UQCR11: variants seen among roughly 807,000 people sequenced by gnomAD.
UQCR11 encodes the protein ubiquinol-cytochrome c reductase, complex III subunit XI, also known as cytochrome b-c1 complex subunit 10.
Under a neutral mutation model 7.6 loss-of-function variants are expected in UQCR11, and 10 were observed. That is an observed-to-expected ratio of 1.31 (90% confidence interval 0.81 to 2.22). The LOEUF is 2.22. UQCR11 is among the 30% of genes most tolerant of loss of function. The pLI, the probability that UQCR11 is intolerant of heterozygous loss-of-function variation, is 0.00. For synonymous variants in UQCR11, 34 were observed against 34.9 expected (o/e 0.97, Z 0.09); for missense variants, 86 against 75.1 (o/e 1.15, Z -0.54).
rs1169322007 is a variant in UQCR11, at chr19:1,605,379, G to A, written c.31C>T (p.Arg11Trp). Reference protein sequence around the residue: MVTRFLGPRYRELVKNWVPTA... With the variant: MVTRFLGPRYWELVKNWVPTA... ...CCTCACCAGTTCTTGACCAGCTCCC[G>A]GTAGCGTGGGCCCAGGAACCGGGTC... Residue 11 changes from arginine (R) to tryptophan (W), a missense_variant, in exon 1 of 3, where the codon CGG (arginine) becomes TGG (tryptophan). Physicochemically the swap from Arg to Trp is moderately radical, Grantham distance 101. Coordinates refer to ENST00000591899, the MANE Select transcript of UQCR11 (RefSeq NM_006830.4). 4 of 1,579,092 alleles carry A rather than the reference G, an allele frequency of 2.5e-6. No homozygotes were observed. The highest frequency in any genetic ancestry group is 1.1e-5 in the South Asian group (1 of 87,198).
intron 2 of UQCR11, chr19:1,598,965 C>G (rs1033791509): frequency 5.8e-6 from 1 of 173,072 alleles, no homozygotes; most frequent in Non-Finnish European, 1.2e-5. Flanking sequence ...GCCACAGGCA[C>G]TGTGGTTAAG....
intron 1 of UQCR11, 100 bp downstream of exon 1, chr19:1,605,260 C>T: frequency 7.3e-7 from 1 of 1,369,828 alleles, no homozygotes; most frequent in South Asian, 1.5e-5. Flanking sequence ...CTGGGCCCGG[C>T]CCGGCCCGGC....
Position 1,605,440 on chromosome 19 carries a change from T to TGTCCAGCTGACCCG in UQCR11, c.-45_-32dup. Reference sequence around the variant, plus strand: ...CGGAGTCGCACCCTCAGGATGACCCTGTCCAGCTGACCCGGCTACACTGCG... The same window carrying TGTCCAGCTGACCCG: ...CGGAGTCGCACCCTCAGGATGACCCTGTCCAGCTGACCCGGTCCAGCTGACCCGGCTACACTGCG... On this transcript the variant is annotated 5_prime_UTR_variant, in exon 1 of 3. Coordinates refer to ENST00000591899, the MANE Select transcript of UQCR11 (RefSeq NM_006830.4). 1 of 1,301,912 alleles carries TGTCCAGCTGACCCG rather than the reference T, an allele frequency of 7.7e-7. No homozygotes were observed. Among genetic ancestry groups the TGTCCAGCTGACCCG allele is most frequent in the Non-Finnish European group, 1.0e-6 (1 of 1,003,900 alleles). The allele number at this position is 1,301,912 out of a possible 1,614,324, so 80.6% of individuals were successfully genotyped here.
In UQCR11 at chr19:1,603,567, A is replaced by G. The variant is rs373476757; in HGVS notation, c.50+1793T>C. Among the ~76,000 whole-genome samples the G allele has an allele frequency of 3.1e-3, 477 of 152,298 alleles. 3 individuals carry two copies. The highest frequency in any genetic ancestry group is 0.011 in the African/African-American group (453 of 41,564). On this transcript the variant is annotated intron_variant, in intron 1 of 2. Transcript: ENST00000591899. ...GCTTGCAGTGAGCCGAGATTGCGCCACTGCACTCCAGCCGGGGCGACAGAG... is the reference window on the plus strand; with the variant it reads ...GCTTGCAGTGAGCCGAGATTGCGCCGCTGCACTCCAGCCGGGGCGACAGAG...
intron 2 of UQCR11, among the ~76,000 whole-genome samples, chr19:1,598,569 C>G (rs1484833426): frequency 6.6e-6 from 1 of 151,016 alleles, no homozygotes; most frequent in Non-Finnish European, 1.5e-5. Context: ...AAATTAGCTG[C>G]GTGTAGTGGT....
rs547741167 is a variant in UQCR11 at position 1,603,098 on chromosome 19, G to A, written c.50+2262C>T. Among the ~76,000 whole-genome samples, 28 of 152,272 alleles carry A rather than the reference G, an allele frequency of 1.8e-4. 1 individual carries two copies. The highest frequency in any genetic ancestry group is 5.3e-4 in the African/African-American group (22 of 41,548). ...ACAGTGCCTCCTGGGGATGAGACCC[G>A]CTCCCTAGCCTCCCAAAGCCACTGC... is the stretch of plus-strand genomic sequence containing the variant. On this transcript the variant is annotated intron_variant, in intron 1 of 2. Transcript: ENST00000591899.
intron 1 of UQCR11, among the ~76,000 whole-genome samples, chr19:1,604,979 T>C (rs1401048106): frequency 1.3e-5 from 2 of 152,208 alleles, no homozygotes. Context: ...TTGTTAAAAA[T>C]CATAAAAACC....
intron 2 of UQCR11, 199 bp downstream of exon 2, chr19:1,599,213 C>T (rs1000890668): frequency 3.2e-6 from 2 of 622,930 alleles, no homozygotes; most frequent in East Asian, 3.2e-5. Context: ...TCACACAACC[C>T]AAGGCTGCGG....
chr19:1,605,398 C>A lies in UQCR11; in HGVS notation c.12G>T (p.Arg4=). Residue 4 remains arginine (R), a synonymous_variant, in exon 1 of 3, where the codon CGG becomes CGT. Coordinates refer to ENST00000591899, the MANE Select transcript of UQCR11 (RefSeq NM_006830.4). The part of the protein sequence containing the change: MVT[R]FLGPRYRELV... The stretch of plus-strand genomic sequence containing the variant: ...GCTCCCGGTAGCGTGGGCCCAGGAA[C>A]CGGGTCACCATCGCGGCGGAGTCGC... 1.0e-5 allele frequency: 16 copies of A among 1,575,198 alleles called. No homozygotes were observed. The highest frequency in any genetic ancestry group is 1.4e-5 in the Non-Finnish European group (16 of 1,165,180).
chr19:1,600,044 C>T (rs968646213), intron 1 of UQCR11, among the ~76,000 whole-genome samples: 3 of 152,242 alleles, frequency 2.0e-5, no homozygotes, highest in Non-Finnish European at 2.9e-5. Flanking sequence ...CATGCTCTTG[C>T]CCACCACGGC....
At chr19:1,603,136 C>T in intron 1 of UQCR11, among the ~76,000 whole-genome samples, 1 of 152,210 alleles carries the variant, frequency 6.6e-6, no homozygotes. Context: ...GGTGGCACAG[C>T]CCTGCACGGC....
Position 1,597,973 on chromosome 19 carries a change from G to T in UQCR11, c.*271C>A, listed in dbSNP as rs1179716532. The T allele has an allele frequency of 6.6e-6, 1 of 152,214 alleles. No individual in the cohort carries two copies. The highest frequency in any genetic ancestry group is 1.5e-5 in the Non-Finnish European group (1 of 68,046). The allele number at this position is 152,214 out of a possible 1,614,324, so 9.4% of individuals were successfully genotyped here. On this transcript the variant is annotated 3_prime_UTR_variant, in exon 3 of 3. Coordinates refer to ENST00000591899, the MANE Select transcript of UQCR11 (RefSeq NM_006830.4). Reference sequence around the variant, plus strand: ...TGCAACATTCTGGAGCTGAAAGGACGCCTGGGTCACCTGTGCCACTCCAGC... The same window carrying T: ...TGCAACATTCTGGAGCTGAAAGGACTCCTGGGTCACCTGTGCCACTCCAGC...
At chr19:1,604,137 GT>G (rs1360794776) in intron 1 of UQCR11, among the ~76,000 whole-genome samples, 1 of 152,178 alleles carries the variant, frequency 6.6e-6, no homozygotes, top group South Asian at 2.1e-4. Context: ...TAGAGACGGG[GT>G]TTCTCCATGT....
intron 1 of UQCR11, among the ~76,000 whole-genome samples, chr19:1,600,023 G>T (rs1250926746): frequency 6.6e-6 from 1 of 152,218 alleles, no homozygotes; most frequent in Non-Finnish European, 1.5e-5. Context: ...CGAGGCCTCC[G>T]GTTCCAAGCT....
intron 1 of UQCR11, among the ~76,000 whole-genome samples, chr19:1,600,209 C>CG (rs2060743317): frequency 1.6e-5 from 2 of 121,350 alleles, no homozygotes; most frequent in African/African-American, 3.0e-5. Flanking sequence ...GCACAGGCTT[C>CG]TTTTTTTTTT....
chr19:1,598,654 T>C (rs1373328340), intron 2 of UQCR11, among the ~76,000 whole-genome samples: 1 of 151,962 alleles, frequency 6.6e-6, no homozygotes, highest in Non-Finnish European at 1.5e-5. Context: ...GAGGGTGCAG[T>C]GAGCTGAGAT....
At chr19:1,604,653 G>A (rs748456861) in intron 1 of UQCR11, among the ~76,000 whole-genome samples, 1 of 151,942 alleles carries the variant, frequency 6.6e-6, no homozygotes, top group Non-Finnish European at 1.5e-5. Context: ...TCAGCCTCCC[G>A]AGTAGCTGGG....
chr19:1,602,965 C>T (rs976888080), intron 1 of UQCR11, among the ~76,000 whole-genome samples: 3 of 152,216 alleles, frequency 2.0e-5, no homozygotes, highest in Non-Finnish European at 2.9e-5. Flanking sequence ...CAACCCCTTC[C>T]TCAAAGCAAG....
At position 1,597,773 on chromosome 19, in the gene UQCR11, A is replaced by G; in HGVS notation, c.*471T>C. 1 of 152,252 alleles carries G rather than the reference A, an allele frequency of 6.6e-6. No homozygotes were observed. The highest frequency in any genetic ancestry group is 1.9e-4 in the East Asian group (1 of 5,198). 9.4% of individuals were successfully genotyped at this position (152,252 alleles called of 1,614,324 possible). On this transcript the variant is annotated 3_prime_UTR_variant, in exon 3 of 3. Transcript: ENST00000591899. ...CTCTGGGCCACAACCACCCAGATAC[A>G]TCACTCCCAAATCCCCGACTGACAC...
Sources: gnomAD v4.1 joint callset for allele counts (sites outside exome capture counted in the v4.1 genomes callset) on GRCh38, gnomAD v4.1.1 for gene constraint, MANE v1.5 for transcripts, NCBI Gene and HGNC (gene_info 2026-07-23, HGNC 2026-07-21) for gene names.